KCNH6: variants seen among roughly 807,000 people sequenced by gnomAD.
KCNH6 encodes potassium voltage-gated channel subfamily H member 6.
Under a neutral mutation model 83.4 loss-of-function variants are expected in KCNH6, and 81 were observed. The observed-to-expected ratio is 0.97, with a 90% confidence interval of 0.81 to 1.17. KCNH6 has a LOEUF of 1.17. Among genes scored for constraint, KCNH6 ranks in the 50% most tolerant of loss-of-function variants. The pLI is 0.00. For missense variants in KCNH6, 1,203 were observed against 1,290.5 expected (o/e 0.93, Z 1.04); for synonymous variants, 503 against 545.6 (o/e 0.92, Z 1.09).
chr17:63,542,152 C>T, intron 8 of KCNH6, 89 bp from the exon 9 acceptor site: 2 of 1,376,798 alleles, frequency 1.5e-6, no homozygotes, highest in Non-Finnish European at 2.0e-6. Context: ...AGAAGGATGT[C>T]CGAGGTTGGG....
chr17:63,544,901 G>A (rs192685025), intron 11 of KCNH6, among the ~76,000 whole-genome samples, 177 bp from the exon 12 acceptor site: 2 of 152,238 alleles, frequency 1.3e-5, no homozygotes, highest in East Asian at 1.9e-4. Context: ...AAGAGTCAGG[G>A]GTGTACCAGG....
rs534721224 is a variant in KCNH6 at position 63,544,434 on chromosome 17, TG to T, written c.2396+28del. ...CAGGTGTGTGTGCTGTGGTCAGGGC[TG>T]GGGGCTGGTCATGGGTAGCCCCTCC... On this transcript the variant is annotated intron_variant, in intron 11 of 12. Coordinates refer to ENST00000314672, the MANE Select transcript of KCNH6 (RefSeq NM_001278919.2). 770 of 1,499,518 alleles carry T rather than the reference TG, an allele frequency of 5.1e-4. 8 individuals are homozygous for T. The South Asian group carries it at 1.0e-2, about 19-fold the overall frequency. The allele number at this position is 1,499,518 out of a possible 1,614,324, so 92.9% of individuals were successfully genotyped here.
Position 63,545,171 on chromosome 17 carries a change from C to T in KCNH6, c.2490C>T (p.Ala830=). Residue 830 remains alanine, a synonymous_variant, in exon 12 of 13, where the codon GCC becomes GCT. Coordinates refer to ENST00000314672, the MANE Select transcript of KCNH6 (RefSeq NM_001278919.2). ...PQGHASYILE[A]PASNDLALVP... ...GCCACGCCAGCTACATTCTGGAAGC[C>T]CCTGCCTCCAATGACCTGGCCTTGG... The T allele has an allele frequency of 6.2e-7, 1 of 1,613,838 alleles. No homozygotes were observed. Among genetic ancestry groups the T allele is most frequent in the Non-Finnish European group, 8.5e-7 (1 of 1,180,024 alleles).
intron 8 of KCNH6, among the ~76,000 whole-genome samples, chr17:63,540,819 G>A (rs909675689): frequency 1.3e-5 from 2 of 152,184 alleles, no homozygotes; most frequent in Admixed American, 1.3e-4. Flanking sequence ...GTCATGCTCC[G>A]TGGCACCCCG....
rs1185517424 is a variant in KCNH6, at chr17:63,538,150, G to A, written c.1587G>A (p.Met529Ile). 1.2e-6 allele frequency: 2 copies of A among 1,613,936 alleles called. No individual in the cohort carries two copies. The highest frequency in any genetic ancestry group is 1.7e-6 in the Non-Finnish European group (2 of 1,179,906). The change falls in exon 7 of 13, where the codon ATG becomes ATA. Residue 529 changes from methionine to isoleucine, a missense_variant. Coordinates refer to ENST00000314672, the MANE Select transcript of KCNH6 (RefSeq NM_001278919.2). The surrounding 1 kb of genome is among the most constrained non-coding windows in gnomAD (Gnocchi z 4.0). ...GCACCGCGCGCTACCACACGCAGAT[G>A]CTGCGTGTCAAGGAGTTCATCCGCT... ...YSGTARYHTQ[M>I]LRVKEFIRFH...
chr17:63,534,600 C>T lies in KCNH6; in HGVS notation c.1101+289C>T, dbSNP rs535971731. Among the ~76,000 whole-genome samples, 1 of 152,198 alleles carries T rather than the reference C, an allele frequency of 6.6e-6. No homozygotes were observed. Among genetic ancestry groups the T allele is most frequent in the East Asian group, 1.9e-4 (1 of 5,166 alleles). ...GATGGGCACTCGTGTGGTCCCGGCCCCTCATGCTGACTTCCAAACTGCACT... is the reference window on the plus strand; with the variant it reads ...GATGGGCACTCGTGTGGTCCCGGCCTCTCATGCTGACTTCCAAACTGCACT... On this transcript the variant is annotated intron_variant, in intron 5 of 12. Coordinates refer to ENST00000314672, the MANE Select transcript of KCNH6 (RefSeq NM_001278919.2). The surrounding 1 kb of genome is among the most constrained non-coding windows in gnomAD (Gnocchi z 5.0).
At chr17:63,524,707 C>T (rs567431050) in intron 2 of KCNH6, among the ~76,000 whole-genome samples, 1 of 152,200 alleles carries the variant, frequency 6.6e-6, no homozygotes, top group Non-Finnish European at 1.5e-5. Context: ...AACCTTCCCT[C>T]CTCTCCGTCT....
chr17:63,538,435 T>C lies in KCNH6; in HGVS notation c.1727T>C (p.Leu576Pro). 1 of 1,602,148 alleles carries C rather than the reference T, an allele frequency of 6.2e-7. No homozygotes were observed. The highest frequency in any genetic ancestry group is 1.1e-5 in the South Asian group (1 of 89,720). Residue 576 changes from leucine to proline, a missense_variant, in exon 8 of 13, where the codon CTG becomes CCG. Transcript: ENST00000314672. The surrounding 1 kb of genome is among the most constrained non-coding windows in gnomAD (Gnocchi z 4.0). ...NAVLKGFPEC[L>P]QADICLHLHR... ...GTGCTGAAGGGCTTCCCCGAGTGCC[T>C]GCAGGCTGACATCTGCCTGCACCTG... is the stretch of plus-strand genomic sequence containing the variant.
In KCNH6 at chr17:63,546,569, T is replaced by TA. The variant is rs2033153123; in HGVS notation, c.*668dup. ...AAGGCCCGGGGTTGGTCAGAACTCT[T>TA]ACCATGAGCCTCTGACCTGGCTGGA... On this transcript the variant is annotated 3_prime_UTR_variant, in exon 13 of 13. Coordinates refer to ENST00000314672, the MANE Select transcript of KCNH6 (RefSeq NM_001278919.2). 1 of 152,354 alleles carries TA rather than the reference T, an allele frequency of 6.6e-6. No homozygotes were observed. Among genetic ancestry groups the TA allele is most frequent in the Non-Finnish European group, 1.5e-5 (1 of 68,194 alleles). 9.4% of individuals were successfully genotyped at this position (152,354 alleles called of 1,614,324 possible). A position where few individuals can be genotyped will look rare whatever the true frequency, so the allele number is the denominator to read the frequency against.
At chr17:63,543,762 C>A in intron 10 of KCNH6, 102 bp downstream of exon 10, 1 of 762,256 alleles carries the variant, frequency 1.3e-6, no homozygotes. Flanking sequence ...CCACCCCACT[C>A]CATGAGTGGA....
At chr17:63,540,334 G>C (rs766941553) in intron 8 of KCNH6, among the ~76,000 whole-genome samples, 2 of 152,088 alleles carry the variant, frequency 1.3e-5, no homozygotes, top group Non-Finnish European at 2.9e-5. Context: ...TTGGGAGGCT[G>C]AGGCAGAGAA....
At position 63,544,347 on chromosome 17, in the gene KCNH6, G is replaced by A. The variant is rs1241642457; in HGVS notation, c.2332G>A (p.Asp778Asn). ...GCACAGCCCCCAAAGCCCTCAGGAA[G>A]ACCCAGATTGCTGGCCTCTGAAGCT... is the stretch of plus-strand genomic sequence containing the variant. ...PRHSPQSPQE[D>N]PDCWPLKLGS... Residue 778 changes from aspartate (D) to asparagine (N), a missense_variant, in exon 11 of 13, where the codon GAC becomes AAC. By Grantham distance (23) the Asp-to-Asn change is conservative. Transcript: ENST00000314672. 2 of 1,612,000 alleles carry A rather than the reference G, an allele frequency of 1.2e-6. No homozygotes were observed. Among genetic ancestry groups the A allele is most frequent in the South Asian group, 1.1e-5 (1 of 90,842 alleles).
Position 63,544,342 on chromosome 17 carries a change from A to T in KCNH6, c.2327A>T (p.Gln776Leu), listed in dbSNP as rs752461203. ...MPPRHSPQSPQEDPDCWPLKL... is the reference protein window; with the variant it reads ...MPPRHSPQSPLEDPDCWPLKL... Reference sequence around the variant, plus strand: ...CCAAGGCACAGCCCCCAAAGCCCTCAGGAAGACCCAGATTGCTGGCCTCTG... The same window carrying T: ...CCAAGGCACAGCCCCCAAAGCCCTCTGGAAGACCCAGATTGCTGGCCTCTG... Residue 776 changes from glutamine (Q) to leucine (L), a missense_variant, in exon 11 of 13, where the codon CAG becomes CTG. Physicochemically the swap from Gln to Leu is moderately radical, Grantham distance 113 (BLOSUM62 -2). Transcript: ENST00000314672. 4.9e-5 allele frequency: 79 copies of T among 1,612,032 alleles called. No homozygotes were observed. The highest frequency in any genetic ancestry group is 6.5e-5 in the Non-Finnish European group (77 of 1,179,104).
At chr17:63,539,235 A>C (rs554447869) in intron 8 of KCNH6, among the ~76,000 whole-genome samples, 1 of 152,094 alleles carries the variant, frequency 6.6e-6, no homozygotes, top group South Asian at 2.1e-4. Context: ...CTGCCCCATG[A>C]CTTCATCTCC....
chr17:63,545,635 C>T lies in KCNH6; in HGVS notation c.2610C>T (p.Asp870=). Residue 870 remains aspartate (D), a synonymous_variant, in exon 13 of 13, where the codon GAC becomes GAT. Coordinates refer to ENST00000314672, the MANE Select transcript of KCNH6 (RefSeq NM_001278919.2). ...AQTPSYGDLD[D]CSPKHRNSSP... ...CCCCAAGCTATGGAGACTTGGATGA[C>T]TGTAGTCCAAAGCACAGGAACTCCT... The T allele has an allele frequency of 6.2e-7, 1 of 1,613,862 alleles. No homozygotes were observed. Among genetic ancestry groups the T allele is most frequent in the Non-Finnish European group, 8.5e-7 (1 of 1,179,950 alleles).
chr17:63,542,565 C>G, intron 9 of KCNH6, 131 bp downstream of exon 9: 3 of 757,604 alleles, frequency 4.0e-6, no homozygotes, highest in Non-Finnish European at 6.6e-6. Flanking sequence ...TTCTTTTGTG[C>G]CTACCATGGC....
intron 6 of KCNH6, among the ~76,000 whole-genome samples, chr17:63,536,704 C>T (rs966509129): frequency 6.6e-6 from 1 of 151,620 alleles, no homozygotes; most frequent in African/African-American, 2.4e-5. Flanking sequence ...CTCCTGTAAT[C>T]CCAGCACTTT....
rs766629328 is a variant in KCNH6, at chr17:63,534,325, C to A, written c.1101+14C>A. 21 of 1,598,228 alleles carry A rather than the reference C, an allele frequency of 1.3e-5. No homozygotes were observed. The highest frequency in any genetic ancestry group is 2.7e-5 in the African/African-American group (2 of 74,778). ...GGCTCCGATGAGGTGAGCAGACCCCCTCCAGGCCAGCAGCCATGGCTGTCC... is the reference window on the plus strand; with the variant it reads ...GGCTCCGATGAGGTGAGCAGACCCCATCCAGGCCAGCAGCCATGGCTGTCC... On this transcript the variant is annotated intron_variant, in intron 5 of 12. Transcript: ENST00000314672. This position sits in a 1 kb window ranked among gnomAD's most constrained non-coding sequence, Gnocchi z 5.0.
At position 63,545,991 on chromosome 17, in the gene KCNH6, C is replaced by A; in HGVS notation, c.*89C>A. ...GGAGGTGGCCGGGTGCAGTGGCTCG[C>A]CTGTAATCCCAGCACTTTGGGAGGC... On this transcript the variant is annotated 3_prime_UTR_variant, in exon 13 of 13. Coordinates refer to ENST00000314672, the MANE Select transcript of KCNH6 (RefSeq NM_001278919.2). The A allele has an allele frequency of 7.9e-7, 1 of 1,263,814 alleles. No individual in the cohort carries two copies. Among genetic ancestry groups the A allele is most frequent in the Middle Eastern group, 2.1e-4 (1 of 4,734 alleles). 78.3% of individuals were successfully genotyped at this position (1,263,814 alleles called of 1,614,324 possible).
Sources: allele counts gnomAD v4.1 joint callset (sites outside exome capture counted in the v4.1 genomes callset), GRCh38; gene constraint gnomAD v4.1.1; non-coding constraint Gnocchi (gnomAD v3.1); transcripts MANE v1.5; gene names NCBI Gene and HGNC (gene_info 2026-07-23, HGNC 2026-07-21).